AP3S1: variants seen among roughly 807,000 people sequenced by gnomAD.
AP3S1 encodes adaptor related protein complex 3 subunit sigma 1, also known as AP-3 complex subunit sigma-1.
AP3S1 carries 12 observed loss-of-function variants against 21.3 expected under a neutral mutation model. That is an observed-to-expected ratio of 0.56 (90% CI 0.36 to 0.91). The LOEUF (loss-of-function observed/expected upper bound fraction) is 0.91, where lower values mean the gene tolerates loss of function less well. AP3S1 is among the 40% of genes least tolerant of loss of function. The pLI is 0.01. For synonymous variants in AP3S1, 48 were observed against 78.4 expected, an observed-to-expected ratio of 0.61 and a Z score of 2.05; for missense variants, 116 against 225.0, an observed-to-expected ratio of 0.52 and a Z score of 3.10.
chr5:115,868,559 A>G (rs746270282), intron 2 of AP3S1, among the ~76,000 whole-genome samples: 3 of 152,120 alleles, frequency 2.0e-5, no homozygotes, highest in Non-Finnish European at 2.9e-5. Context: ...TACAGAACTT[A>G]TAAGTTTAGT....
At chr5:115,909,118 G>A (rs1369093850) in intron 5 of AP3S1, 1 of 380,548 alleles carries the variant, frequency 2.6e-6, no homozygotes, top group Admixed American at 6.5e-5. Flanking sequence ...TAAGATGGTA[G>A]GATGGTATTT....
At chr5:115,845,836 CAAAAAAAAAAAAAAAAAAA>C (rs755171274) in intron 1 of AP3S1, among the ~76,000 whole-genome samples, 17 of 34,454 alleles carry the variant, frequency 4.9e-4, no homozygotes, top group South Asian at 1.9e-3. Flanking sequence ...GACTCCATCT[CAAAAAAAAAAAAAAAAAAA>C]AAAAAAAAAA....
intron 3 of AP3S1, among the ~76,000 whole-genome samples, chr5:115,879,622 G>A (rs1035846200): frequency 5.9e-5 from 9 of 152,098 alleles, no homozygotes; most frequent in Admixed American, 3.3e-4. Flanking sequence ...GAGGATTTTC[G>A]CATCAATGTT....
intron 1 of AP3S1, among the ~76,000 whole-genome samples, chr5:115,864,273 G>A (rs1346603062): frequency 6.6e-6 from 1 of 152,182 alleles, no homozygotes; most frequent in East Asian, 1.9e-4. Flanking sequence ...TGTTCCTGAA[G>A]CTAGGAAATT....
chr5:115,882,453 C>T (rs759655779), intron 3 of AP3S1, among the ~76,000 whole-genome samples: 3 of 152,172 alleles, frequency 2.0e-5, no homozygotes, highest in Non-Finnish European at 4.4e-5. Context: ...TTCTAACAGG[C>T]CCCTCTGCTG....
At chr5:115,844,072 A>G (rs980601883) in intron 1 of AP3S1, among the ~76,000 whole-genome samples, 1 of 152,208 alleles carries the variant, frequency 6.6e-6, no homozygotes, top group Admixed American at 6.5e-5. Flanking sequence ...AAGTTTCTAT[A>G]AGTTGGGTTT....
At chr5:115,847,811 T>A (rs1762169064) in intron 1 of AP3S1, among the ~76,000 whole-genome samples, 1 of 152,202 alleles carries the variant, frequency 6.6e-6, no homozygotes, top group Admixed American at 6.5e-5. Context: ...AAATTTTAGA[T>A]TGCTTCTGAG....
chr5:115,850,299 C>A (rs1762348849), intron 1 of AP3S1, among the ~76,000 whole-genome samples: 1 of 151,992 alleles, frequency 6.6e-6, no homozygotes, highest in African/African-American at 2.4e-5. Context: ...TATCCTATTT[C>A]CTGTCATTAA....
At chr5:115,869,501 A>G (rs765726378) in intron 2 of AP3S1, among the ~76,000 whole-genome samples, 33 of 152,150 alleles carry the variant, frequency 2.2e-4, no homozygotes, top group Non-Finnish European at 3.2e-4. Flanking sequence ...TTCCCTGAAC[A>G]TACATACTTT....
intron 3 of AP3S1, among the ~76,000 whole-genome samples, chr5:115,871,235 C>T (rs1276713802): frequency 6.6e-6 from 1 of 152,192 alleles, no homozygotes; most frequent in Non-Finnish European, 1.5e-5. Flanking sequence ...CCTCTGCTCA[C>T]AATACGTGTG....
chr5:115,842,574 C>T (rs139042767), intron 1 of AP3S1: 1 of 158,366 alleles, frequency 6.3e-6, no homozygotes, highest in Non-Finnish European at 1.4e-5. Flanking sequence ...CCATCCTTTC[C>T]AGGTGGACTT....
At chr5:115,880,787 A>T (rs778558945) in intron 3 of AP3S1, among the ~76,000 whole-genome samples, 1 of 152,058 alleles carries the variant, frequency 6.6e-6, no homozygotes, top group Non-Finnish European at 1.5e-5. Flanking sequence ...TCTGTCTAAT[A>T]TTGACAATGG....
intron 3 of AP3S1, among the ~76,000 whole-genome samples, chr5:115,893,669 C>G (rs915147144): frequency 3.3e-5 from 5 of 152,098 alleles, no homozygotes; most frequent in Non-Finnish European, 7.4e-5. Context: ...TACATAGGAG[C>G]AACTATAGCA....
chr5:115,860,271 A>G (rs551780732), intron 1 of AP3S1, among the ~76,000 whole-genome samples: 2 of 152,350 alleles, frequency 1.3e-5, no homozygotes, highest in East Asian at 3.9e-4. Flanking sequence ...AGCTCCACCT[A>G]TATAATCTGG....
chr5:115,846,393 A>G (rs1353898309), intron 1 of AP3S1, among the ~76,000 whole-genome samples: 1 of 152,188 alleles, frequency 6.6e-6, no homozygotes, highest in African/African-American at 2.4e-5. Context: ...TACTGTGTGT[A>G]TGTATGCATG....
chr5:115,876,915 G>A (rs142371293), intron 3 of AP3S1, among the ~76,000 whole-genome samples: 191 of 152,268 alleles, frequency 1.3e-3, no homozygotes, highest in African/African-American at 4.5e-3. Flanking sequence ...TGATATTTGT[G>A]ATGATCACTT....
At chr5:115,844,232 C>A (rs1403792263) in intron 1 of AP3S1, among the ~76,000 whole-genome samples, 17 of 152,012 alleles carry the variant, frequency 1.1e-4, no homozygotes, top group Admixed American at 1.1e-3. Context: ...TTAATTTATG[C>A]CTACCATGTG....
intron 5 of AP3S1, among the ~76,000 whole-genome samples, chr5:115,906,133 G>C (rs1482262737): frequency 6.6e-6 from 1 of 152,196 alleles, no homozygotes; most frequent in Admixed American, 6.6e-5. Flanking sequence ...ACTCCAGCCT[G>C]CGTGACAGAG....
chr5:115,857,150 GTAATA>G (rs1554065314), intron 1 of AP3S1, among the ~76,000 whole-genome samples: 1 of 152,134 alleles, frequency 6.6e-6, no homozygotes, highest in Non-Finnish European at 1.5e-5. Context: ...TTGATAAGCA[GTAATA>G]TAATACAGAA....
Sources: gnomAD v4.1 joint callset for allele counts (sites outside exome capture counted in the v4.1 genomes callset) on GRCh38, gnomAD v4.1.1 for gene constraint, MANE v1.5 for transcripts, NCBI Gene and HGNC (gene_info 2026-07-23, HGNC 2026-07-21) for gene names.